Variants in NCOA3 observed in about 807,000 individuals in gnomAD.
The protein encoded by NCOA3 is CBP-interacting protein.
A neutral mutation model predicts 158.8 loss-of-function variants in NCOA3; 51 were observed. That is an observed-to-expected ratio of 0.32 (90% CI 0.26 to 0.41). The LOEUF is 0.41. NCOA3 is among the 10% of genes least tolerant of loss of function. The pLI is 1.00. For missense variants in NCOA3, 1,510 were observed against 1,746.6 expected (o/e 0.86, Z 2.41); for synonymous variants, 537 against 592.4 (o/e 0.91, Z 1.36).
chr20:47,559,565 T>C (rs2085066002), intron 1 of NCOA3, among the ~76,000 whole-genome samples: 1 of 152,264 alleles, frequency 6.6e-6, no homozygotes, highest in Non-Finnish European at 1.5e-5. Context: ...TTCCCCAGAA[T>C]AGGGCACTTT....
intron 1 of NCOA3, among the ~76,000 whole-genome samples, chr20:47,543,462 A>G (rs1390193117): frequency 2.6e-5 from 4 of 151,758 alleles, no homozygotes; most frequent in Non-Finnish European, 4.4e-5. Flanking sequence ...TGAGTTGTTA[A>G]TATTAGCAGA....
Position 47,654,713 on chromosome 20 carries a change from G to A in NCOA3, c.*1296G>A, listed in dbSNP as rs1041903432. 2.0e-5 allele frequency: 3 copies of A among 152,232 alleles called. No homozygotes were observed. The highest frequency in any genetic ancestry group is 7.3e-5 in the African/African-American group (3 of 41,360). 9.4% of individuals were successfully genotyped at this position (152,232 alleles called of 1,614,324 possible). On this transcript the variant is annotated 3_prime_UTR_variant, in exon 23 of 23. Coordinates refer to ENST00000371998, the MANE Select transcript of NCOA3 (RefSeq NM_181659.3). Reference sequence around the variant, plus strand: ...TTAAAAATTCCTCTACCAGAACTAAGCACTTTGTTAATTTGGGGGGAAAGA... The same window carrying A: ...TTAAAAATTCCTCTACCAGAACTAAACACTTTGTTAATTTGGGGGGAAAGA...
At chr20:47,533,563 C>T (rs2084584977) in intron 1 of NCOA3, among the ~76,000 whole-genome samples, 1 of 152,074 alleles carries the variant, frequency 6.6e-6, no homozygotes, top group South Asian at 2.1e-4. Context: ...ATTAAATGAA[C>T]TCTATCAGGG....
intron 1 of NCOA3, among the ~76,000 whole-genome samples, chr20:47,535,128 A>G (rs896429415): frequency 3.3e-5 from 5 of 151,698 alleles, no homozygotes. Context: ...TGGCACAATC[A>G]TGGCTCACTG....
At chr20:47,602,544 ATATT>A (rs2085880303) in intron 2 of NCOA3, among the ~76,000 whole-genome samples, 1 of 152,250 alleles carries the variant, frequency 6.6e-6, no homozygotes, top group Non-Finnish European at 1.5e-5. Context: ...ACCATTTAAT[ATATT>A]TATATGCAGA....
chr20:47,587,781 T>C (rs1292710114), intron 2 of NCOA3, among the ~76,000 whole-genome samples: 1 of 152,234 alleles, frequency 6.6e-6, no homozygotes, highest in African/African-American at 2.4e-5. Context: ...CATGTGTTCA[T>C]TGAAACATAC....
At chr20:47,516,638 A>G (rs1261964894) in intron 1 of NCOA3, among the ~76,000 whole-genome samples, 3 of 152,158 alleles carry the variant, frequency 2.0e-5, no homozygotes, top group Admixed American at 6.6e-5. Flanking sequence ...GCAGTCAAGC[A>G]GGCTGGGTGC....
chr20:47,575,743 G>A (rs2085363997), intron 1 of NCOA3, among the ~76,000 whole-genome samples: 1 of 152,174 alleles, frequency 6.6e-6, no homozygotes, highest in Admixed American at 6.5e-5. Context: ...AAGTCAATGA[G>A]TCTGTTAAAA....
intron 1 of NCOA3, among the ~76,000 whole-genome samples, chr20:47,537,571 G>A (rs951817132): frequency 6.6e-6 from 1 of 151,410 alleles, no homozygotes; most frequent in African/African-American, 2.4e-5. Flanking sequence ...AAACCAAGGG[G>A]TTTACATAGG....
intron 2 of NCOA3, among the ~76,000 whole-genome samples, chr20:47,605,849 T>C (rs2085938596): frequency 6.6e-6 from 1 of 152,258 alleles, no homozygotes; most frequent in Admixed American, 6.5e-5. Context: ...TGGTGTTGAT[T>C]GATAGCAGCA....
chr20:47,546,733 G>A (rs1188887921), intron 1 of NCOA3, among the ~76,000 whole-genome samples: 1 of 151,998 alleles, frequency 6.6e-6, no homozygotes, highest in African/African-American at 2.4e-5. Context: ...GTTTCTCCAT[G>A]TTGGTCAGGC....
intron 1 of NCOA3, among the ~76,000 whole-genome samples, chr20:47,576,833 A>T (rs911358403): frequency 6.6e-6 from 1 of 152,180 alleles, no homozygotes; most frequent in Admixed American, 6.6e-5. Flanking sequence ...AGCTTTGCTC[A>T]CTTCCCCACC....
intron 1 of NCOA3, among the ~76,000 whole-genome samples, chr20:47,545,570 T>C (rs1266120849): frequency 1.3e-5 from 2 of 152,098 alleles, no homozygotes; most frequent in East Asian, 3.8e-4. Flanking sequence ...CAAGCTTCCT[T>C]CCCCTCTTCT....
intron 2 of NCOA3, among the ~76,000 whole-genome samples, chr20:47,622,006 A>G (rs540576992): frequency 6.6e-6 from 1 of 152,246 alleles, no homozygotes; most frequent in Non-Finnish European, 1.5e-5. Context: ...GACTTGAGGA[A>G]CATTTCTGTC....
At chr20:47,555,638 T>TTG (rs974290718) in intron 1 of NCOA3, among the ~76,000 whole-genome samples, 1 of 142,782 alleles carries the variant, frequency 7.0e-6, no homozygotes, top group Non-Finnish European at 1.5e-5. Flanking sequence ...AAGTGTTTTT[T>TTG]TTTTTTTTTT....
intron 1 of NCOA3, among the ~76,000 whole-genome samples, chr20:47,570,686 A>G (rs2085276809): frequency 6.6e-6 from 1 of 151,994 alleles, no homozygotes. Flanking sequence ...TCTTAATGGC[A>G]TCTAGAATGG....
chr20:47,554,828 G>C (rs1568678304), intron 1 of NCOA3, among the ~76,000 whole-genome samples: 1 of 152,116 alleles, frequency 6.6e-6, no homozygotes, highest in Non-Finnish European at 1.5e-5. Context: ...AGCTACCAAT[G>C]ACTTTCTTCA....
At chr20:47,594,280 C>T (rs937690106) in intron 2 of NCOA3, among the ~76,000 whole-genome samples, 4 of 152,102 alleles carry the variant, frequency 2.6e-5, no homozygotes, top group East Asian at 3.9e-4. Context: ...CTATGATTGA[C>T]GGATCAGATT....
intron 9 of NCOA3, 29 bp from the exon 10 acceptor site, chr20:47,634,019 T>C: frequency 6.2e-7 from 1 of 1,613,336 alleles, no homozygotes; most frequent in Non-Finnish European, 8.5e-7. Flanking sequence ...TGACTGTAGT[T>C]ACCAGTGATG....
Sources: allele counts gnomAD v4.1 joint callset (sites outside exome capture counted in the v4.1 genomes callset), GRCh38; gene constraint gnomAD v4.1.1; transcripts MANE v1.5; gene names NCBI Gene and HGNC (gene_info 2026-07-23, HGNC 2026-07-21).